The following AAMDC variants were observed in gnomAD, a reference collection of about 807,000 sequenced individuals.
The protein encoded by AAMDC is adipogenesis associated Mth938 domain containing.
AAMDC carries 16 observed loss-of-function variants against 15.5 expected under a neutral mutation model. The ratio of observed to expected loss-of-function variants is 1.03; its 90% CI spans 0.70 to 1.57. The LOEUF is 1.57. AAMDC is among the 40% of genes most tolerant of loss of function. The probability of loss-of-function intolerance (pLI) is 0.00; values close to 1 mark genes in which losing one functional copy is unlikely to be tolerated. For synonymous variants in AAMDC, 51 were observed against 51.6 expected, an observed-to-expected ratio of 0.99 and a Z score of 0.05; for missense variants, 141 against 144.9, an observed-to-expected ratio of 0.97 and a Z score of 0.14.
At chr11:77,870,801 C>T (rs1304000053) in intron 3 of AAMDC, among the ~76,000 whole-genome samples, 1 of 152,166 alleles carries the variant, frequency 6.6e-6, no homozygotes, top group Non-Finnish European at 1.5e-5. Context: ...TATATACACA[C>T]TTACACATAT....
At chr11:77,848,327 C>T (rs1590946467) in intron 2 of AAMDC, among the ~76,000 whole-genome samples, 1 of 152,130 alleles carries the variant, frequency 6.6e-6, no homozygotes, top group South Asian at 2.1e-4. Flanking sequence ...ATTTTTCCCA[C>T]ATAAGACCAT....
intron 2 of AAMDC, chr11:77,866,317 G>GA (rs1367009990): frequency 6.6e-6 from 1 of 152,174 alleles, no homozygotes; most frequent in Non-Finnish European, 1.5e-5. Flanking sequence ...TCGTGTGACA[G>GA]AAAGCCTCTT....
At chr11:77,890,351 GTTCCAGCCTATTT>G (rs1174614501) in intron 5 of AAMDC, among the ~76,000 whole-genome samples, 8 of 152,112 alleles carry the variant, frequency 5.3e-5, no homozygotes, top group Admixed American at 2.0e-4. Context: ...TTCTCTGCCT[GTTCCAGCCTATTT>G]TTCTGTCCCC....
intron 5 of AAMDC, chr11:77,883,827 C>G: frequency 6.2e-7 from 1 of 1,612,942 alleles, no homozygotes; most frequent in Non-Finnish European, 8.5e-7. Flanking sequence ...GTCCTGACTC[C>G]TTACCTGTCC....
chr11:77,838,806 C>T (rs561103537), intron 1 of AAMDC, among the ~76,000 whole-genome samples: 15 of 151,890 alleles, frequency 9.9e-5, no homozygotes, highest in Middle Eastern at 3.4e-3. Flanking sequence ...TTAGTAGAGA[C>T]GGAGTTTCAC....
chr11:77,826,159 C>A (rs1949162061), intron 1 of AAMDC, among the ~76,000 whole-genome samples: 1 of 151,960 alleles, frequency 6.6e-6, no homozygotes, highest in Admixed American at 6.6e-5. Context: ...GGTGGGAGTT[C>A]AAGACCAGCC....
At chr11:77,894,208 T>C (rs1474722793) in intron 5 of AAMDC, 3 of 710,154 alleles carry the variant, frequency 4.2e-6, no homozygotes, top group East Asian at 2.8e-5. Context: ...GGAATGTGAT[T>C]TGTGATTGTT....
At chr11:77,861,551 G>T (rs992786708) in intron 2 of AAMDC, among the ~76,000 whole-genome samples, 2 of 152,230 alleles carry the variant, frequency 1.3e-5, no homozygotes, top group African/African-American at 4.8e-5. Context: ...GGATCATTTG[G>T]TTAATGGCTT....
rs139570106 is a variant in AAMDC at position 77,882,070 on chromosome 11, C to A, written c.328+5021C>A. Among the ~76,000 whole-genome samples, 5 of 152,138 alleles carry A rather than the reference C, an allele frequency of 3.3e-5. No homozygotes were observed. In the East Asian group the frequency reaches 9.7e-4, roughly 29 times the overall value. Reference sequence around the variant, plus strand: ...GGGACTACAGGCACATGCCACCATGCCCAGTTAACTTTTTTATATATCTAT... The same window carrying A: ...GGGACTACAGGCACATGCCACCATGACCAGTTAACTTTTTTATATATCTAT... On this transcript the variant is annotated intron_variant, in intron 5 of 5. Coordinates refer to the AAMDC transcript ENST00000304716.
At chr11:77,890,032 C>T (rs1236985811) in intron 5 of AAMDC, among the ~76,000 whole-genome samples, 2 of 152,006 alleles carry the variant, frequency 1.3e-5, no homozygotes, top group East Asian at 3.8e-4. Context: ...GTCCATAGGC[C>T]CTATTCTCAG....
intron 5 of AAMDC, among the ~76,000 whole-genome samples, chr11:77,895,849 A>G (rs976120601): frequency 1.4e-4 from 22 of 152,230 alleles, no homozygotes; most frequent in African/African-American, 5.1e-4. Flanking sequence ...GGCCATATAC[A>G]TGAAGTAGGC....
In AAMDC at chr11:77,886,812, C is replaced by T. The variant is rs536751601; in HGVS notation, c.328+9763C>T. On this transcript the variant is annotated intron_variant, in intron 5 of 5. Coordinates refer to the AAMDC transcript ENST00000304716. Reference sequence around the variant, plus strand: ...AAGAAACTCACTCAAAACCGCTCAACTACATGGAAACTGAACAACCTGCTC... The same window carrying T: ...AAGAAACTCACTCAAAACCGCTCAATTACATGGAAACTGAACAACCTGCTC... Among the ~76,000 whole-genome samples, 50 of 152,238 alleles carry T rather than the reference C, an allele frequency of 3.3e-4. 1 individual carries two copies. In the South Asian group the frequency reaches 0.01, roughly 31 times the overall value.
chr11:77,847,420 C>T (rs970073686), intron 2 of AAMDC, among the ~76,000 whole-genome samples: 3 of 152,160 alleles, frequency 2.0e-5, no homozygotes, highest in African/African-American at 7.2e-5. Context: ...AGAAAGAGAG[C>T]CCTAACACAT....
chr11:77,859,642 C>G (rs376936657), intron 2 of AAMDC, among the ~76,000 whole-genome samples: 2 of 152,296 alleles, frequency 1.3e-5, no homozygotes, highest in Admixed American at 6.5e-5. Context: ...AGGCATACCC[C>G]GCATTTTGAA....
intron 1 of AAMDC, among the ~76,000 whole-genome samples, chr11:77,837,167 G>A (rs1282126825): frequency 2.6e-5 from 4 of 151,920 alleles, no homozygotes; most frequent in African/African-American, 4.8e-5. Context: ...ACGTAGTCTC[G>A]CTCTGTCACC....
intron 1 of AAMDC, among the ~76,000 whole-genome samples, chr11:77,826,946 A>T (rs1949203737): frequency 6.6e-6 from 1 of 152,052 alleles, no homozygotes; most frequent in South Asian, 2.1e-4. Context: ...CTCTACTAAA[A>T]ATACAAAAAT....
intron 1 of AAMDC, among the ~76,000 whole-genome samples, chr11:77,833,015 T>A (rs1200037639): frequency 3.8e-5 from 5 of 133,308 alleles, no homozygotes; most frequent in East Asian, 2.1e-4. Context: ...ATATATTTTT[T>A]TTTTTTTTTT....
rs779291591 is a variant in AAMDC, at chr11:77,883,880, G to A, written c.328+6831G>A. ...TAAACCTGAGTGATGAGCCGGTGCC[G>A]CCCTGGGCCAGGATTCCGGAAGTCT... On this transcript the variant is annotated intron_variant, in intron 5 of 5. Transcript: ENST00000304716. The A allele has an allele frequency of 2.5e-5, 40 of 1,612,618 alleles. No homozygotes were observed. Among genetic ancestry groups the A allele is most frequent in the Admixed American group, 8.4e-5 (5 of 59,814 alleles).
At chr11:77,852,224 C>CAAAAAAAAAAAAAAAA (rs545742213) in intron 2 of AAMDC, among the ~76,000 whole-genome samples, 686 of 33,316 alleles carry the variant, frequency 0.021, 79 homozygotes, top group Non-Finnish European at 0.022. Context: ...GACACTGTCT[C>CAAAAAAAAAAAAAAAA]AAAAAAAAAA....
Sources: gnomAD v4.1 joint callset for allele counts (sites outside exome capture counted in the v4.1 genomes callset) on GRCh38, gnomAD v4.1.1 for gene constraint, MANE v1.5 for transcripts, NCBI Gene and HGNC (gene_info 2026-07-23, HGNC 2026-07-21) for gene names.